KRTCAP3: variants seen among roughly 807,000 people sequenced by gnomAD.
KRTCAP3 encodes keratinocyte-associated protein 3.
In KRTCAP3, 18 loss-of-function variants were observed where a neutral mutation model predicts 20.5. The observed-to-expected ratio is 0.88, with a 90% confidence interval of 0.61 to 1.31. The LOEUF is 1.31. KRTCAP3 is among the 50% of genes most tolerant of loss of function. KRTCAP3 has a pLI of 0.00. For missense variants in KRTCAP3, 347 were observed against 310.4 expected, an observed-to-expected ratio of 1.12 and a Z score of -0.89; for synonymous variants, 167 against 133.7, an observed-to-expected ratio of 1.25 and a Z score of -1.72.
In KRTCAP3 at chr2:27,443,214, T is replaced by A. The variant is rs1251655593; in HGVS notation, c.414T>A (p.Asp138Glu). ...LIADCHPGLL[D>E]PLVPLDEGPG... ...CTGACTGCCACCCAGGACTGCTGGA[T>A]CCTCTGGTACCACTGGATGAGGGGC... Residue 138 changes from aspartate (D) to glutamate (E), a missense_variant, in exon 4 of 7, where the codon GAT becomes GAA. Transcript: ENST00000288873. 2 of 1,614,010 alleles carry A rather than the reference T, an allele frequency of 1.2e-6. No homozygotes were observed. Among genetic ancestry groups the A allele is most frequent in the Admixed American group, 3.3e-5 (2 of 59,990 alleles).
chr2:27,442,419 C>A lies in KRTCAP3; in HGVS notation c.7C>A (p.Arg3Ser), dbSNP rs781305415. 2 of 1,563,522 alleles carry A rather than the reference C, an allele frequency of 1.3e-6. No individual in the cohort carries two copies. Among genetic ancestry groups the A allele is most frequent in the Non-Finnish European group, 1.7e-6 (2 of 1,155,186 alleles). MR[R>S]CSLCAFDAAR... ...GGCTGGCGCGGCGGACGGGATGAGG[C>A]GCTGCAGTCTCTGCGCTTTCGGTAA... Residue 3 changes from arginine (R) to serine (S), a missense_variant, in exon 1 of 7, where the codon CGC (arginine) becomes AGC (serine). Transcript: ENST00000288873.
intron 5 of KRTCAP3, 71 bp downstream of exon 5, chr2:27,443,603 G>C (rs1217616480): frequency 6.4e-7 from 1 of 1,550,982 alleles, no homozygotes; most frequent in Non-Finnish European, 8.8e-7. Flanking sequence ...GACCGGCCGG[G>C]TGCGGAGGCT....
At chr2:27,443,666 G>T in intron 5 of KRTCAP3, 134 bp downstream of exon 5, 3 of 933,864 alleles carry the variant, frequency 3.2e-6, no homozygotes, top group Non-Finnish European at 4.9e-6. Flanking sequence ...ATCACTTGAG[G>T]TCAGGAGTTT....
At position 27,444,078 on chromosome 2, in the gene KRTCAP3, G is replaced by A. The variant is rs776068769; in HGVS notation, c.*5+17G>A. On this transcript the variant is annotated intron_variant, in intron 6 of 6. Transcript: ENST00000288873. The stretch of plus-strand genomic sequence containing the variant: ...TTAGGACAGGTAATGGGCCTTGAAG[G>A]TGGTGGCCCGGGTAAGAGCGGGGAC... 4.2e-6 allele frequency: 6 copies of A among 1,432,464 alleles called. No homozygotes were observed. The highest frequency in any genetic ancestry group is 5.9e-6 in the Non-Finnish European group (6 of 1,014,854). The allele number at this position is 1,432,464 out of a possible 1,614,324, so 88.7% of individuals were successfully genotyped here. A position where few individuals can be genotyped will look rare whatever the true frequency, so the allele number is the denominator to read the frequency against.
In KRTCAP3 at chr2:27,442,580, C is replaced by A. The variant is rs545842572; in HGVS notation, c.30C>A (p.Asp10Glu). MRRCSLCAF[D>E]AARGPRRLMR... is the part of the protein sequence containing the mutation. Reference sequence around the variant, plus strand: ...CCTGCCCTCCCCCGTGCTTTGCAGACGCCGCCCGGGGGCCCAGGCGGCTGA... The same window carrying A: ...CCTGCCCTCCCCCGTGCTTTGCAGAAGCCGCCCGGGGGCCCAGGCGGCTGA... Residue 10 changes from aspartate to glutamate, a missense_variant and splice_region_variant, in exon 2 of 7, where the codon GAC becomes GAA. By Grantham distance (45) the Asp-to-Glu change is conservative. Transcript: ENST00000288873. The A allele has an allele frequency of 2.0e-6, 3 of 1,524,642 alleles. No individual in the cohort carries two copies. The highest frequency in any genetic ancestry group is 2.6e-5 in the South Asian group (2 of 78,346). 94.4% of individuals were successfully genotyped at this position (1,524,642 alleles called of 1,614,324 possible). A position where few individuals can be genotyped will look rare whatever the true frequency, so the allele number is the denominator to read the frequency against.
At chr2:27,446,223 C>T (rs756273133), downstream of KRTCAP3, 9 of 1,594,818 alleles carry the variant, frequency 5.6e-6, no homozygotes, top group South Asian at 1.1e-5. Flanking sequence ...CCTTTAACTT[C>T]CTCCTATCTG....
chr2:27,446,412 C>T, downstream of KRTCAP3: 2 of 1,464,464 alleles, frequency 1.4e-6, no homozygotes, highest in East Asian at 2.3e-5. Flanking sequence ...AGCTACCAGA[C>T]CAATGATCCT....
intron 1 of KRTCAP3, 50 bp from the exon 2 acceptor site, chr2:27,442,529 C>T (rs767502923): frequency 6.5e-7 from 1 of 1,535,554 alleles, no homozygotes. Context: ...CCGCGAGCCG[C>T]CTCTCCCCTC....
rs767515899 is a variant in KRTCAP3, at chr2:27,443,492, G to A, written c.575G>A (p.Arg192His). ...TGCTGTGTGGCTGCACTCACTCTAC[G>A]TGGAGTTGGGCCCTGCAGGAAGGAC... is the stretch of plus-strand genomic sequence containing the variant. The part of the protein sequence containing the change: ...GYCCVAALTL[R>H]GVGPCRKDGL... The change falls in exon 5 of 7, where the codon CGT becomes CAT. Residue 192 changes from arginine (R) to histidine (H), a missense_variant. Transcript: ENST00000288873. 34 of 1,613,990 alleles carry A rather than the reference G, an allele frequency of 2.1e-5. No individual in the cohort carries two copies. Among genetic ancestry groups the A allele is most frequent in the East Asian group, 4.5e-5 (2 of 44,890 alleles).
At position 27,443,171 on chromosome 2, in the gene KRTCAP3, G is replaced by A. The variant is rs201542495; in HGVS notation, c.371G>A (p.Gly124Asp). The A allele has an allele frequency of 2.9e-5, 47 of 1,614,114 alleles. No individual in the cohort carries two copies. In the East Asian group the frequency reaches 4.9e-4, roughly 17 times the overall value. The change falls in exon 4 of 7, where the codon GGT becomes GAT. Residue 124 changes from glycine (G) to aspartate (D), a missense_variant. Transcript: ENST00000288873. ...LLAVSLTVAN[G>D]GRRLIADCHP... ...GCTGTGTCACTCACTGTGGCCAACG[G>A]TGGCCGCCGCCTTATTGCTGACTGC... is the stretch of plus-strand genomic sequence containing the variant.
At chr2:27,442,476 C>A in intron 1 of KRTCAP3, 36 bp downstream of exon 1, 1 of 1,558,978 alleles carries the variant, frequency 6.4e-7, no homozygotes, top group Non-Finnish European at 8.7e-7. Context: ...TCTCCTTACC[C>A]TGGGGCTACC....
chr2:27,444,649 G>C, downstream of KRTCAP3: 1 of 631,040 alleles, frequency 1.6e-6, no homozygotes, highest in Non-Finnish European at 2.5e-6. Flanking sequence ...TGTGTATGTG[G>C]GTTTTTTGTT....
chr2:27,445,285 G>A, downstream of KRTCAP3: 1 of 1,605,514 alleles, frequency 6.2e-7, no homozygotes, highest in Non-Finnish European at 8.5e-7. The surrounding 1 kb of genome is among the most constrained non-coding windows in gnomAD (Gnocchi z 4.4). Context: ...GGGTGCTGTA[G>A]GCTTCTATAC....
chr2:27,446,349 CG>C (rs1558351209), downstream of KRTCAP3: 1 of 1,614,164 alleles, frequency 6.2e-7, no homozygotes, highest in Non-Finnish European at 8.5e-7. Context: ...CTGGCAGCCA[CG>C]GTTTCCTGGG....
downstream of KRTCAP3, chr2:27,444,471 C>G (rs1471965612): frequency 3.1e-6 from 5 of 1,613,556 alleles, no homozygotes; most frequent in Non-Finnish European, 4.2e-6. Context: ...GCCCTCCACA[C>G]CACTGACTGA....
downstream of KRTCAP3, chr2:27,445,791 G>A (rs762958757): frequency 1.9e-6 from 3 of 1,614,160 alleles, no homozygotes; most frequent in Admixed American, 5.0e-5. This position sits in a 1 kb window ranked among gnomAD's most constrained non-coding sequence, Gnocchi z 4.4. Flanking sequence ...GGGAATGTCT[G>A]TATCCTGAAA....
At chr2:27,446,286 A>T, downstream of KRTCAP3, 1 of 1,614,198 alleles carries the variant, frequency 6.2e-7, no homozygotes, top group Non-Finnish European at 8.5e-7. Context: ...GCTTCATAGA[A>T]GGCTTTGTCT....
At chr2:27,445,606 C>G, downstream of KRTCAP3, 1 of 1,308,524 alleles carries the variant, frequency 7.6e-7, no homozygotes, top group Non-Finnish European at 1.1e-6. This position sits in a 1 kb window ranked among gnomAD's most constrained non-coding sequence, Gnocchi z 4.4. Flanking sequence ...ACAGCCTTTT[C>G]TTTCTATTTT....
rs1276462180 is a variant in KRTCAP3 at position 27,444,185 on chromosome 2, G to T, written c.*6-1G>T. The stretch of plus-strand genomic sequence containing the variant: ...CTGGGTTGGTTCTCCCCTCTGTCCA[G>T]CAGGTGCTGTTCCGAGACTCAGTCC... On this transcript the variant is annotated splice_acceptor_variant, in intron 6 of 6. Coordinates refer to ENST00000288873, the MANE Select transcript of KRTCAP3 (RefSeq NM_173853.4). LOFTEE classifies it low-confidence loss of function (3UTR_SPLICE). The T allele has an allele frequency of 4.3e-6, 3 of 703,244 alleles. No individual in the cohort carries two copies. The Admixed American group carries it at 7.3e-5, about 17-fold the overall frequency. The allele number at this position is 703,244 out of a possible 1,614,324, so 43.6% of individuals were successfully genotyped here. A position where few individuals can be genotyped will look rare whatever the true frequency, so the allele number is the denominator to read the frequency against.
Sources: allele counts gnomAD v4.1 joint callset, GRCh38; gene constraint gnomAD v4.1.1; non-coding constraint Gnocchi (gnomAD v3.1); transcripts MANE v1.5; gene names NCBI Gene and HGNC (gene_info 2026-07-23, HGNC 2026-07-21).